PCCA: variants seen among roughly 807,000 people sequenced by gnomAD.
PCCA encodes propionyl-CoA carboxylase subunit alpha.
A neutral mutation model predicts 101.3 loss-of-function variants in PCCA; 74 were observed. That is an observed-to-expected ratio of 0.73 (90% CI 0.61 to 0.89). PCCA has a LOEUF of 0.89. Ranked by LOEUF, PCCA falls within the 40% of genes least tolerant of loss-of-function variation. The pLI, the probability that PCCA is intolerant of heterozygous loss-of-function variation, is 0.00. For missense variants in PCCA, 891 were observed against 907.0 expected, an observed-to-expected ratio of 0.98 and a Z score of 0.23; for synonymous variants, 294 against 313.6, an observed-to-expected ratio of 0.94 and a Z score of 0.66.
intron 19 of PCCA, among the ~76,000 whole-genome samples, chr13:100,385,800 CAG>C (rs1197892899): frequency 1.3e-5 from 2 of 152,056 alleles, no homozygotes; most frequent in Admixed American, 6.5e-5. Context: ...TTTATAGAGA[CAG>C]GGTTTCACCA....
At chr13:100,402,676 C>T (rs1445189077) in intron 19 of PCCA, among the ~76,000 whole-genome samples, 1 of 151,972 alleles carries the variant, frequency 6.6e-6, no homozygotes, top group Non-Finnish European at 1.5e-5. Context: ...AGATTCAGAG[C>T]AAGGAAAGAC....
At chr13:100,114,883 A>T (rs970678861) in intron 4 of PCCA, among the ~76,000 whole-genome samples, 2 of 152,150 alleles carry the variant, frequency 1.3e-5, no homozygotes, top group Non-Finnish European at 2.9e-5. Context: ...CAAAAAACTA[A>T]AACTATCATA....
chr13:100,301,679 G>C lies in PCCA; in HGVS notation c.1209+76G>C, dbSNP rs1450585656. ...GAGACCTGGTATAGCCAAACAATGA[G>C]GTAAAGTTAGGGTTTTATAATGTTG... On this transcript the variant is annotated intron_variant, in intron 13 of 23. Transcript: ENST00000376285. 4.7e-6 allele frequency: 7 copies of C among 1,498,818 alleles called. No individual in the cohort carries two copies. The Admixed American group carries it at 1.2e-4, about 25-fold the overall frequency. 92.8% of individuals were successfully genotyped at this position (1,498,818 alleles called of 1,614,324 possible).
chr13:100,180,603 G>T (rs1390704396), intron 6 of PCCA, among the ~76,000 whole-genome samples: 1 of 152,152 alleles, frequency 6.6e-6, no homozygotes, highest in African/African-American at 2.4e-5. Context: ...TATGTATGTG[G>T]TATTCCAGTT....
intron 12 of PCCA, among the ~76,000 whole-genome samples, chr13:100,286,331 C>T (rs908894534): frequency 8.5e-5 from 13 of 152,172 alleles, no homozygotes; most frequent in East Asian, 3.9e-4. Context: ...TTATCCCTCA[C>T]GCACGTGGCC....
At position 100,344,599 on chromosome 13, in the gene PCCA, C is replaced by T. The variant is rs186967039; in HGVS notation, c.1643+4340C>T. ...GTTCCTTAATGTGTGCTCCATAGAG[C>T]GCTAGTTTGGGGGAGTATTAAAATG... On this transcript the variant is annotated intron_variant, in intron 18 of 23. Transcript: ENST00000376285. Among the ~76,000 whole-genome samples, 17 of 152,170 alleles carry T rather than the reference C, an allele frequency of 1.1e-4. No individual in the cohort carries two copies. The East Asian group carries it at 1.9e-3, about 17-fold the overall frequency.
At chr13:100,399,814 A>G (rs2077230105) in intron 19 of PCCA, among the ~76,000 whole-genome samples, 1 of 152,186 alleles carries the variant, frequency 6.6e-6, no homozygotes, top group Non-Finnish European at 1.5e-5. Flanking sequence ...GTATGTGATG[A>G]CTGATTGTTT....
chr13:100,501,873 C>CAATAAATAAATAAATA lies in PCCA; in HGVS notation c.1900-13539_1900-13524dup, dbSNP rs369191551. 8.7e-3 allele frequency among the ~76,000 whole-genome samples: 1,312 copies of CAATAAATAAATAAATA among 150,276 alleles called. 18 individuals carry two copies. The highest frequency in any genetic ancestry group is 0.031 in the African/African-American group (1,241 of 40,604). Reference sequence around the variant, plus strand: ...TGGGCAACAGAGGGACACTCCTTCTCAATAAATAAATAAATAAATAAATAA... The same window carrying CAATAAATAAATAAATA: ...TGGGCAACAGAGGGACACTCCTTCTCAATAAATAAATAAATAAATAAATAAATAAATAAATAAATAA... On this transcript the variant is annotated intron_variant, in intron 21 of 23. Coordinates refer to ENST00000376285, the MANE Select transcript of PCCA (RefSeq NM_000282.4).
At chr13:100,111,520 T>C (rs2048320482) in intron 2 of PCCA, among the ~76,000 whole-genome samples, 1 of 152,180 alleles carries the variant, frequency 6.6e-6, no homozygotes, top group African/African-American at 2.4e-5. Context: ...GGCTACAGAA[T>C]ATGTAGATAC....
intron 16 of PCCA, among the ~76,000 whole-genome samples, chr13:100,322,596 G>A (rs1301944911): frequency 1.3e-5 from 2 of 150,428 alleles, no homozygotes; most frequent in African/African-American, 4.9e-5. Context: ...TTAGAGATAG[G>A]GTCTCTCTCT....
intron 9 of PCCA, among the ~76,000 whole-genome samples, chr13:100,261,725 A>G (rs1223677989): frequency 6.6e-6 from 1 of 152,200 alleles, no homozygotes; most frequent in Non-Finnish European, 1.5e-5. Context: ...AAAATATATA[A>G]AGCAATAATT....
chr13:100,498,015 A>G (rs1026420635), intron 21 of PCCA, among the ~76,000 whole-genome samples: 15 of 152,006 alleles, frequency 9.9e-5, no homozygotes, highest in African/African-American at 3.6e-4. Flanking sequence ...GATTACAGAT[A>G]TGTGCCACTA....
intron 19 of PCCA, among the ~76,000 whole-genome samples, chr13:100,403,821 G>A (rs908693126): frequency 2.6e-5 from 4 of 152,140 alleles, no homozygotes; most frequent in African/African-American, 9.7e-5. Flanking sequence ...AGGAAGAGGA[G>A]GGGCCAGGTT....
rs2152811800 is a variant in PCCA at position 100,368,494 on chromosome 13, A to G, written c.1666A>G (p.Ile556Val). The change falls in exon 19 of 24, where the codon ATA (isoleucine) becomes GTA (valine). Residue 556 changes from isoleucine to valine, a missense_variant. Ile to Val is a conservative substitution (Grantham distance 29). Coordinates refer to ENST00000376285, the MANE Select transcript of PCCA (RefSeq NM_000282.4). ...CAGAATGCCTGTTATTAAACCAGAC[A>G]TAGCCAACTGGGAGCTCTCAGTAAA... Reference protein sequence around the residue: ...NSRMPVIKPDIANWELSVKLH... With the variant: ...NSRMPVIKPDVANWELSVKLH... 4 of 1,604,438 alleles carry G rather than the reference A, an allele frequency of 2.5e-6. No homozygotes were observed. The highest frequency in any genetic ancestry group is 3.4e-6 in the Non-Finnish European group (4 of 1,171,682).
At chr13:100,195,046 TA>T (rs2058022949) in intron 6 of PCCA, among the ~76,000 whole-genome samples, 1 of 152,042 alleles carries the variant, frequency 6.6e-6, no homozygotes, top group Non-Finnish European at 1.5e-5. Flanking sequence ...CATGAAACAA[TA>T]AAAAGAATTG....
intron 19 of PCCA, among the ~76,000 whole-genome samples, chr13:100,422,095 T>TTTCTTTCA (rs1567109264): frequency 6.9e-6 from 1 of 144,000 alleles, no homozygotes. Context: ...TCTTTCTTTC[T>TTTCTTTCA]TTCTTTCTTT....
At chr13:100,145,678 A>G (rs1168148926) in intron 4 of PCCA, among the ~76,000 whole-genome samples, 11 of 151,936 alleles carry the variant, frequency 7.2e-5, no homozygotes, top group Admixed American at 7.2e-4. Flanking sequence ...CCTGGCTAAG[A>G]TGGTGAAACC....
intron 21 of PCCA, among the ~76,000 whole-genome samples, chr13:100,477,979 C>A (rs190225278): frequency 2.0e-5 from 3 of 152,222 alleles, no homozygotes; most frequent in African/African-American, 7.2e-5. Flanking sequence ...CGCTGACGGC[C>A]GCTCCAGGTT....
At chr13:100,229,076 A>ATT (rs555603818) in intron 7 of PCCA, among the ~76,000 whole-genome samples, 11 of 147,204 alleles carry the variant, frequency 7.5e-5, no homozygotes, top group Non-Finnish European at 1.2e-4. Context: ...GTAGAATTTG[A>ATT]TTTTTTTTTT....
Sources: gnomAD v4.1 joint callset for allele counts (sites outside exome capture counted in the v4.1 genomes callset) on GRCh38, gnomAD v4.1.1 for gene constraint, MANE v1.5 for transcripts, NCBI Gene and HGNC (gene_info 2026-07-23, HGNC 2026-07-21) for gene names.